Variants in ATF7 observed in about 807,000 individuals in gnomAD.
ATF7 encodes the protein activating transcription factor 7.
A neutral mutation model predicts 50.4 loss-of-function variants in ATF7; 10 were observed. The ratio of observed to expected loss-of-function variants is 0.20; its 90% CI spans 0.12 to 0.34. ATF7 has a LOEUF of 0.34. ATF7 is among the 10% of genes least tolerant of loss of function. ATF7 has a pLI of 1.00. For synonymous variants in ATF7, 201 were observed against 226.4 expected (o/e 0.89, Z 1.01); for missense variants, 465 against 613.9 (o/e 0.76, Z 2.56).
At chr12:53,551,150 T>C (rs960309571) in intron 3 of ATF7, among the ~76,000 whole-genome samples, 1 of 152,204 alleles carries the variant, frequency 6.6e-6, no homozygotes, top group Non-Finnish European at 1.5e-5. Flanking sequence ...TTCCCTAAGA[T>C]CTCCCCCAGG....
intron 2 of ATF7, among the ~76,000 whole-genome samples, chr12:53,561,290 C>T (rs982975313): frequency 6.9e-6 from 1 of 145,734 alleles, no homozygotes; most frequent in Non-Finnish European, 1.5e-5. Flanking sequence ...GACAGCACCA[C>T]TGCACTCCAG....
chr12:53,611,424 G>A (rs1943875149), intron 1 of ATF7, among the ~76,000 whole-genome samples: 1 of 152,022 alleles, frequency 6.6e-6, no homozygotes, highest in African/African-American at 2.4e-5. Context: ...CTGCACTCCA[G>A]CCTGGTGACA....
chr12:53,553,388 G>T (rs1994277), intron 2 of ATF7, among the ~76,000 whole-genome samples: 72,965 of 151,938 alleles, frequency 0.48, 17,663 homozygotes, highest in East Asian at 0.74. Context: ...ATTTTTTTAG[G>T]GGTAGGGAGG....
chr12:53,595,168 A>C (rs1180003347), intron 2 of ATF7, among the ~76,000 whole-genome samples: 1 of 152,222 alleles, frequency 6.6e-6, no homozygotes, highest in Non-Finnish European at 1.5e-5. Flanking sequence ...TTAGAATTTT[A>C]AAAAACTCTT....
chr12:53,571,551 C>T (rs2137626958), intron 2 of ATF7, among the ~76,000 whole-genome samples: 1 of 151,440 alleles, frequency 6.6e-6, no homozygotes, highest in South Asian at 2.1e-4. Flanking sequence ...CCTGTAGTCC[C>T]AGCTACTCAG....
chr12:53,538,088 TC>T (rs532902096), intron 4 of ATF7, among the ~76,000 whole-genome samples: 141 of 152,102 alleles, frequency 9.3e-4, no homozygotes, highest in Non-Finnish European at 1.5e-3. Context: ...GGCTTCTGTT[TC>T]CCCAACTATA....
chr12:53,583,944 A>G (rs1333713655), intron 2 of ATF7, among the ~76,000 whole-genome samples: 1 of 152,238 alleles, frequency 6.6e-6, no homozygotes, highest in Non-Finnish European at 1.5e-5. Context: ...CATGCTCAAC[A>G]TCATGCCATC....
At chr12:53,610,394 A>G (rs570088444) in intron 1 of ATF7, among the ~76,000 whole-genome samples, 2 of 151,834 alleles carry the variant, frequency 1.3e-5, no homozygotes, top group Non-Finnish European at 2.9e-5. Flanking sequence ...GTGAAACCCT[A>G]TCTCTACTAA....
chr12:53,508,879 T>C (rs1195009470), downstream of ATF7, among the ~76,000 whole-genome samples: 1 of 152,222 alleles, frequency 6.6e-6, no homozygotes, highest in Non-Finnish European at 1.5e-5. Context: ...AGCAGGCTAC[T>C]GTGGGGCTGG....
At chr12:53,541,015 C>T (rs1199527052) in intron 4 of ATF7, among the ~76,000 whole-genome samples, 1 of 152,136 alleles carries the variant, frequency 6.6e-6, no homozygotes, top group African/African-American at 2.4e-5. Flanking sequence ...CAGGTGTGAA[C>T]CACCAGGCCT....
At chr12:53,582,863 C>T (rs868332736) in intron 2 of ATF7, among the ~76,000 whole-genome samples, 66 of 152,262 alleles carry the variant, frequency 4.3e-4, no homozygotes, top group African/African-American at 1.5e-3. Flanking sequence ...GGATTACAGG[C>T]GTGAGCCACC....
rs1451767098 is a variant in ATF7, at chr12:53,531,825, G to A, written c.846C>T (p.Ala282=). 1 of 1,613,368 alleles carries A rather than the reference G, an allele frequency of 6.2e-7. No homozygotes were observed. Among genetic ancestry groups the A allele is most frequent in the Non-Finnish European group, 8.5e-7 (1 of 1,179,782 alleles). ...CTGGGCGGGCTGTCACCATGGTGCTGGCAGTACCCACCACCATTCCACAAC... is the reference window on the plus strand; with the variant it reads ...CTGGGCGGGCTGTCACCATGGTGCTAGCAGTACCCACCACCATTCCACAAC... ...NGGCGMVVGT[A]STMVTARPEQ... is the part of the protein sequence containing the mutation. Residue 282 remains alanine (A), a synonymous_variant, in exon 9 of 12, where the codon GCC becomes GCT. Coordinates refer to ENST00000420353, the MANE Select transcript of ATF7 (RefSeq NM_006856.3).
rs763706322 is a variant in ATF7 at position 53,524,533 on chromosome 12, C to G, written c.1125+31G>C. 1 of 1,608,268 alleles carries G rather than the reference C, an allele frequency of 6.2e-7. No individual in the cohort carries two copies. The highest frequency in any genetic ancestry group is 1.1e-5 in the South Asian group (1 of 90,070). ...TCCATCCCACTTTCTGGATTTTCAA[C>G]AATTCCAATAAGCATCCAGGACCCA... On this transcript the variant is annotated intron_variant, in intron 10 of 11. Coordinates refer to ENST00000420353, the MANE Select transcript of ATF7 (RefSeq NM_006856.3). The surrounding 1 kb of genome is among the most constrained non-coding windows in gnomAD (Gnocchi z 4.6).
chr12:53,594,777 A>C (rs898539391), intron 2 of ATF7, among the ~76,000 whole-genome samples: 1 of 152,010 alleles, frequency 6.6e-6, no homozygotes, highest in East Asian at 1.9e-4. Context: ...TAGTCCCAGT[A>C]CTGGGGAGAC....
chr12:53,571,982 G>A (rs1016458802), intron 2 of ATF7, among the ~76,000 whole-genome samples: 3 of 151,740 alleles, frequency 2.0e-5, no homozygotes, highest in Admixed American at 6.6e-5. Context: ...CAGGAGAATC[G>A]CTTGAACCTG....
intron 5 of ATF7, among the ~76,000 whole-genome samples, 183 bp downstream of exon 5, chr12:53,537,232 G>A (rs1003559788): frequency 1.3e-5 from 2 of 151,502 alleles, no homozygotes; most frequent in Non-Finnish European, 2.9e-5. Flanking sequence ...CCACGCCCAG[G>A]TAATTTTTGT....
intron 3 of ATF7, among the ~76,000 whole-genome samples, chr12:53,552,146 A>G (rs1940399683): frequency 6.6e-6 from 1 of 152,198 alleles, no homozygotes; most frequent in African/African-American, 2.4e-5. Context: ...CCAGTGGAAG[A>G]GAAGCAACCA....
chr12:53,532,744 G>C, intron 7 of ATF7, 121 bp from the exon 8 acceptor site: 1 of 681,548 alleles, frequency 1.5e-6, no homozygotes, highest in Admixed American at 2.6e-5. Context: ...TGTGTGCAAT[G>C]TGCCCATAGG....
rs11170589 is a variant in ATF7 at position 53,542,754 on chromosome 12, A to G, written c.264+576T>C. 5.4e-3 allele frequency: 1,308 copies of G among 240,556 alleles called. 67 individuals carry two copies. The East Asian group carries it at 0.14, about 26-fold the overall frequency. The allele number at this position is 240,556 out of a possible 1,614,324, so 14.9% of individuals were successfully genotyped here. A position where few individuals can be genotyped will look rare whatever the true frequency, so the allele number is the denominator to read the frequency against. On this transcript the variant is annotated intron_variant, in intron 4 of 11. Coordinates refer to ENST00000420353, the MANE Select transcript of ATF7 (RefSeq NM_006856.3). ...TCTTTAAAAGTTCCCGAAGTGACAT[A>G]GTTTATAGTTCTTTCACCGTCCTGG... is the stretch of plus-strand genomic sequence containing the variant.
Sources: allele counts gnomAD v4.1 joint callset (sites outside exome capture counted in the v4.1 genomes callset), GRCh38; gene constraint gnomAD v4.1.1; non-coding constraint Gnocchi (gnomAD v3.1); transcripts MANE v1.5; gene names NCBI Gene and HGNC (gene_info 2026-07-23, HGNC 2026-07-21).